The following GARNL3 variants were observed in gnomAD, a reference collection of about 807,000 sequenced individuals.
GARNL3 encodes GTPase-activating Rap/Ran-GAP domain-like protein 3.
Under a neutral mutation model 125.0 loss-of-function variants are expected in GARNL3, and 63 were observed. The ratio of observed to expected loss-of-function variants is 0.50; its 90% confidence interval spans 0.41 to 0.62. GARNL3 has a LOEUF of 0.62. Ranked by LOEUF, GARNL3 falls within the 20% of genes least tolerant of loss-of-function variation. The probability of loss-of-function intolerance (pLI) is 0.00; values close to 1 mark genes in which losing one functional copy is unlikely to be tolerated. For synonymous variants in GARNL3, 439 were observed against 457.5 expected, an observed-to-expected ratio of 0.96 and a Z score of 0.52; for missense variants, 994 against 1,244.0, an observed-to-expected ratio of 0.80 and a Z score of 3.02.
intron 17 of GARNL3, among the ~76,000 whole-genome samples, chr9:127,352,480 T>G (rs898864480): frequency 1.3e-5 from 2 of 152,158 alleles, no homozygotes; most frequent in Admixed American, 1.3e-4. Context: ...CGTCCAGTGT[T>G]TTGAAAAATT....
At chr9:127,389,383 T>A (rs1832712602) in intron 26 of GARNL3, among the ~76,000 whole-genome samples, 1 of 152,190 alleles carries the variant, frequency 6.6e-6, no homozygotes, top group African/African-American at 2.4e-5. Context: ...TAAAACACTA[T>A]GTCTAGTCTG....
In GARNL3 at chr9:127,375,585, A is replaced by G. The variant is rs188417993; in HGVS notation, c.2162-7853A>G. ...TTAGCCCAAAACTGAAAACAACACA[A>G]ATGTCCATTGTGGAGGTTTTAAAAT... On this transcript the variant is annotated intron_variant, in intron 22 of 27. Transcript: ENST00000373387. 3.3e-5 allele frequency among the ~76,000 whole-genome samples: 5 copies of G among 152,288 alleles called. No homozygotes were observed. In the East Asian group the frequency reaches 7.7e-4, roughly 23 times the overall value.
At chr9:127,361,535 C>T (rs968676705) in intron 21 of GARNL3, among the ~76,000 whole-genome samples, 2 of 152,220 alleles carry the variant, frequency 1.3e-5, no homozygotes, top group African/African-American at 4.8e-5. Flanking sequence ...TGGAGACAGA[C>T]ACCTATATCA....
intron 22 of GARNL3, among the ~76,000 whole-genome samples, chr9:127,376,574 A>G (rs902000708): frequency 6.6e-6 from 1 of 150,486 alleles, no homozygotes; most frequent in Non-Finnish European, 1.5e-5. Flanking sequence ...ATTATAGTGG[A>G]CAGCTTTCTT....
intron 1 of GARNL3, among the ~76,000 whole-genome samples, chr9:127,239,980 G>A (rs529518970): frequency 6.6e-6 from 1 of 152,276 alleles, no homozygotes; most frequent in African/African-American, 2.4e-5. Context: ...AATCATCTTA[G>A]TATTTAAAGA....
chr9:127,264,467 A>C, upstream of GARNL3: 1 of 976,118 alleles, frequency 1.0e-6, no homozygotes, highest in Non-Finnish European at 1.2e-6. Flanking sequence ...CACGATTGTG[A>C]AGTTTCTTTC....
At chr9:127,288,217 A>T (rs1341922194) in intron 1 of GARNL3, among the ~76,000 whole-genome samples, 1 of 152,206 alleles carries the variant, frequency 6.6e-6, no homozygotes, top group Non-Finnish European at 1.5e-5. Flanking sequence ...TCATCTTCCC[A>T]GGCAGTGGGT....
intron 21 of GARNL3, chr9:127,363,363 T>G (rs1463467535): frequency 6.6e-6 from 1 of 152,314 alleles, no homozygotes; most frequent in African/African-American, 2.4e-5. Context: ...TGTGCTTTTC[T>G]GGTTTTTTTT....
intron 2 of GARNL3, among the ~76,000 whole-genome samples, chr9:127,304,283 C>A (rs1376677925): frequency 6.6e-6 from 1 of 152,180 alleles, no homozygotes; most frequent in African/African-American, 2.4e-5. Flanking sequence ...GGTACTACTT[C>A]ACCAACTCCA....
chr9:127,304,072 T>A (rs1302584711), intron 2 of GARNL3, among the ~76,000 whole-genome samples: 1 of 152,232 alleles, frequency 6.6e-6, no homozygotes, highest in Admixed American at 6.5e-5. Flanking sequence ...GTGTTTGCAA[T>A]GTTAAACTTC....
rs2064085649 is a variant in GARNL3, at chr9:127,280,939, T to C, written c.145-10229T>C. On this transcript the variant is annotated intron_variant, in intron 1 of 27. Coordinates refer to ENST00000373387, the MANE Select transcript of GARNL3 (RefSeq NM_032293.5). This position sits in a 1 kb window ranked among gnomAD's most constrained non-coding sequence, Gnocchi z 4.5. ...AGTACAAAAATAATGGCTCAGAAGA[T>C]TGGATGGTGGTGAGGATCTAGCCAT... Among the ~76,000 whole-genome samples, 1 of 151,908 alleles carries C rather than the reference T, an allele frequency of 6.6e-6. No homozygotes were observed. The highest frequency in any genetic ancestry group is 2.4e-5 in the African/African-American group (1 of 41,312).
intron 2 of GARNL3, among the ~76,000 whole-genome samples, chr9:127,298,339 C>T (rs186903762): frequency 1.8e-4 from 28 of 152,164 alleles, no homozygotes; most frequent in East Asian, 3.9e-4. Context: ...CCACCATGCC[C>T]GGCTAATTTT....
At chr9:127,269,883 G>A (rs536138032) in intron 1 of GARNL3, among the ~76,000 whole-genome samples, 5 of 145,168 alleles carry the variant, frequency 3.4e-5, no homozygotes, top group South Asian at 2.2e-4. Flanking sequence ...CTTCCATTCT[G>A]TGGCTTATTT....
At chr9:127,353,778 C>T in intron 17 of GARNL3, 68 bp from the exon 18 acceptor site, 2 of 1,025,358 alleles carry the variant, frequency 2.0e-6, no homozygotes, top group East Asian at 2.4e-5. Flanking sequence ...TACCCACAGG[C>T]ACGTTTGGTG....
chr9:127,315,803 T>C (rs943367355), intron 4 of GARNL3, among the ~76,000 whole-genome samples: 1 of 152,202 alleles, frequency 6.6e-6, no homozygotes, highest in South Asian at 2.1e-4. Context: ...GAAAATTATA[T>C]CCAAACAATA....
At chr9:127,346,561 A>C (rs945010847) in intron 16 of GARNL3, among the ~76,000 whole-genome samples, 1 of 152,224 alleles carries the variant, frequency 6.6e-6, no homozygotes, top group African/African-American at 2.4e-5. Context: ...AGATTCCAGT[A>C]AGATTTAATA....
At chr9:127,267,500 C>T (rs2063730143) in intron 1 of GARNL3, among the ~76,000 whole-genome samples, 1 of 151,944 alleles carries the variant, frequency 6.6e-6, no homozygotes, top group African/African-American at 2.4e-5. Flanking sequence ...CATGATAGGC[C>T]AACATAGTGA....
intron 2 of GARNL3, among the ~76,000 whole-genome samples, chr9:127,293,170 CT>C (rs769220871): frequency 1.4e-3 from 219 of 152,260 alleles, no homozygotes; most frequent in Non-Finnish European, 2.5e-3. Context: ...GGGCACTTGA[CT>C]TCCAGAGGGA....
chr9:127,254,786 A>AC (rs2063468499), intron 2 of GARNL3, among the ~76,000 whole-genome samples: 1 of 151,012 alleles, frequency 6.6e-6, no homozygotes, highest in African/African-American at 2.4e-5. Flanking sequence ...AAAAAAAACT[A>AC]CCAATTAATT....
Sources: gnomAD v4.1 joint callset for allele counts (sites outside exome capture counted in the v4.1 genomes callset) on GRCh38, gnomAD v4.1.1 for gene constraint, Gnocchi (gnomAD v3.1) non-coding constraint, MANE v1.5 for transcripts, NCBI Gene and HGNC (gene_info 2026-07-23, HGNC 2026-07-21) for gene names.